The following LRP1B variants were observed in gnomAD, a reference collection of about 807,000 sequenced individuals.
LRP1B encodes low-density lipoprotein receptor-related protein 1B.
In LRP1B, 217 loss-of-function variants were observed where a neutral mutation model predicts 556.6. The ratio of observed to expected loss-of-function variants is 0.39; its 90% confidence interval spans 0.35 to 0.44. The LOEUF (loss-of-function observed/expected upper bound fraction) is 0.44. LRP1B is among the 20% of genes least tolerant of loss of function. LRP1B has a pLI of 1.00. For synonymous variants in LRP1B, 2,047 were observed against 1,865.8 expected, an observed-to-expected ratio of 1.10 and a Z score of -2.50; for missense variants, 5,053 against 5,620.8, an observed-to-expected ratio of 0.90 and a Z score of 3.23.
intron 1 of LRP1B, among the ~76,000 whole-genome samples, chr2:142,080,358 G>T (rs1250072600): frequency 6.6e-6 from 1 of 152,124 alleles, no homozygotes; most frequent in Non-Finnish European, 1.5e-5. Flanking sequence ...GAAAAGAAAA[G>T]ATGGCTGAGT....
intron 89 of LRP1B, 78 bp from the exon 90 acceptor site, chr2:140,234,962 C>A: frequency 1.5e-6 from 1 of 657,242 alleles, no homozygotes; most frequent in South Asian, 1.8e-5. Context: ...CATGTTAATT[C>A]ATAAAAATAA....
chr2:140,547,752 A>C (rs1293136267), intron 43 of LRP1B, among the ~76,000 whole-genome samples: 2 of 152,096 alleles, frequency 1.3e-5, no homozygotes, highest in African/African-American at 4.8e-5. Context: ...CCAAATTCCA[A>C]GCCAAGAGAG....
intron 29 of LRP1B, among the ~76,000 whole-genome samples, chr2:140,842,403 T>C (rs1055408973): frequency 2.6e-5 from 4 of 152,206 alleles, no homozygotes; most frequent in African/African-American, 9.7e-5. Context: ...CCTTTTAGTA[T>C]TTCTAAGTAA....
intron 1 of LRP1B, among the ~76,000 whole-genome samples, chr2:142,099,397 A>T (rs1054325131): frequency 5.3e-5 from 8 of 151,936 alleles, no homozygotes; most frequent in African/African-American, 1.9e-4. Flanking sequence ...CCTTTACGTA[A>T]CATTGCAGAC....
intron 1 of LRP1B, among the ~76,000 whole-genome samples, chr2:142,095,827 TA>T (rs1706342619): frequency 1.3e-5 from 2 of 151,834 alleles, no homozygotes; most frequent in African/African-American, 4.8e-5. Context: ...CCCCTAGGTT[TA>T]TTGCTAAATT....
At chr2:141,099,641 C>T (rs1479214677) in intron 7 of LRP1B, among the ~76,000 whole-genome samples, 1 of 152,214 alleles carries the variant, frequency 6.6e-6, no homozygotes, top group African/African-American at 2.4e-5. Flanking sequence ...TCACACAACT[C>T]TTCTTCCTAG....
In LRP1B at chr2:140,673,944, C is replaced by CT. The variant is rs150017745; in HGVS notation, c.6799+26305dup. Among the ~76,000 whole-genome samples, 599 of 140,812 alleles carry CT rather than the reference C, an allele frequency of 4.3e-3. 4 individuals carry two copies. Among genetic ancestry groups the CT allele is most frequent in the African/African-American group, 8.9e-3 (341 of 38,448 alleles). 92.4% of individuals were successfully genotyped at this position (140,812 alleles called of 152,430 possible). A position where few individuals can be genotyped will look rare whatever the true frequency, so the allele number is the denominator to read the frequency against. On this transcript the variant is annotated intron_variant, in intron 41 of 90. Coordinates refer to ENST00000389484, the MANE Select transcript of LRP1B (RefSeq NM_018557.3). ...CCGAAATATATCTCTTTTCTTTTTT[C>CT]TTTTTTTTTTTTTTCTTTTTTTGCG...
At chr2:140,301,554 A>T (rs1054374508) in intron 83 of LRP1B, among the ~76,000 whole-genome samples, 2 of 152,270 alleles carry the variant, frequency 1.3e-5, no homozygotes, top group Admixed American at 1.3e-4. Flanking sequence ...CAATCATAAA[A>T]ATCACATTCC....
chr2:141,637,458 T>A (rs1160669560), intron 2 of LRP1B, among the ~76,000 whole-genome samples: 1 of 152,216 alleles, frequency 6.6e-6, no homozygotes, highest in Non-Finnish European at 1.5e-5. Flanking sequence ...AAGGGTCTAG[T>A]TCAGCTCTTG....
At chr2:140,735,542 T>A (rs1480496864) in intron 35 of LRP1B, among the ~76,000 whole-genome samples, 1 of 152,156 alleles carries the variant, frequency 6.6e-6, no homozygotes, top group South Asian at 2.1e-4. Flanking sequence ...ACCAGGGACC[T>A]GGTTGGAAAA....
At chr2:140,951,066 T>C (rs1041973813) in intron 19 of LRP1B, among the ~76,000 whole-genome samples, 9 of 152,142 alleles carry the variant, frequency 5.9e-5, no homozygotes, top group African/African-American at 2.2e-4. Flanking sequence ...ATGGTGACTG[T>C]AGGAATTTCA....
intron 43 of LRP1B, among the ~76,000 whole-genome samples, chr2:140,555,719 T>A (rs1220866844): frequency 6.6e-6 from 1 of 152,108 alleles, no homozygotes; most frequent in Non-Finnish European, 1.5e-5. Flanking sequence ...GAATGGATTT[T>A]CATTTGTAAA....
chr2:141,628,657 A>AT (rs995961658), intron 2 of LRP1B, among the ~76,000 whole-genome samples: 3 of 151,104 alleles, frequency 2.0e-5, no homozygotes, highest in African/African-American at 4.9e-5. Context: ...CAAGTTTCTA[A>AT]TTTTTTTTTG....
At chr2:141,195,833 T>C (rs1267060936) in intron 6 of LRP1B, among the ~76,000 whole-genome samples, 1 of 152,054 alleles carries the variant, frequency 6.6e-6, no homozygotes, top group Non-Finnish European at 1.5e-5. Flanking sequence ...CAGATAGGAC[T>C]AGTGTTATGA....
intron 27 of LRP1B, among the ~76,000 whole-genome samples, chr2:140,865,574 G>A (rs890491038): frequency 5.9e-5 from 9 of 151,920 alleles, no homozygotes; most frequent in African/African-American, 2.2e-4. Context: ...GACAGATAAT[G>A]ATTATTATAT....
At chr2:140,454,430 C>T (rs1021837368) in intron 62 of LRP1B, among the ~76,000 whole-genome samples, 6 of 152,076 alleles carry the variant, frequency 3.9e-5, no homozygotes, top group Non-Finnish European at 5.9e-5. Flanking sequence ...GGATTACAGG[C>T]GTGAGCTACC....
chr2:140,538,896 AT>A (rs77944959), intron 45 of LRP1B, among the ~76,000 whole-genome samples: 12,571 of 152,140 alleles, frequency 0.083, 652 homozygotes, highest in East Asian at 0.23. Context: ...GACAAAAACT[AT>A]TCAAAGATAA....
chr2:140,411,046 T>C (rs1684950900), intron 66 of LRP1B, among the ~76,000 whole-genome samples: 4 of 152,282 alleles, frequency 2.6e-5, no homozygotes, highest in South Asian at 2.1e-4. Context: ...GCCACCTGTA[T>C]GGGTATTTAT....
At chr2:141,686,868 T>C (rs1372498783) in intron 2 of LRP1B, among the ~76,000 whole-genome samples, 1 of 151,928 alleles carries the variant, frequency 6.6e-6, no homozygotes, top group Non-Finnish European at 1.5e-5. Flanking sequence ...GCTGGCAGGT[T>C]AGCATGCTCA....
Sources: allele counts gnomAD v4.1 joint callset (sites outside exome capture counted in the v4.1 genomes callset), GRCh38; gene constraint gnomAD v4.1.1; transcripts MANE v1.5; gene names NCBI Gene and HGNC (gene_info 2026-07-23, HGNC 2026-07-21).